The following ENTHD1 variants were observed in gnomAD, a reference collection of about 807,000 sequenced individuals.
ENTHD1 encodes the protein ENTH domain containing 1.
A neutral mutation model predicts 39.1 loss-of-function variants in ENTHD1; 23 were observed. The ratio of observed to expected loss-of-function variants is 0.59; its 90% confidence interval spans 0.42 to 0.83. The LOEUF (loss-of-function observed/expected upper bound fraction) is 0.83. ENTHD1 is among the 40% of genes least tolerant of loss of function. ENTHD1 has a pLI of 0.00. For synonymous variants in ENTHD1, 230 were observed against 258.2 expected, an observed-to-expected ratio of 0.89 and a Z score of 1.05; for missense variants, 624 against 705.4, an observed-to-expected ratio of 0.88 and a Z score of 1.31.
chr22:39,839,190 A>C (rs2065926917), intron 3 of ENTHD1, among the ~76,000 whole-genome samples: 1 of 150,618 alleles, frequency 6.6e-6, no homozygotes, highest in Admixed American at 6.6e-5. Flanking sequence ...TATGCAAAAC[A>C]AAAAAAAATA....
At position 39,746,490 on chromosome 22, in the gene ENTHD1, G is replaced by T. The variant is rs539209654; in HGVS notation, c.1220-2207C>A. 3.9e-5 allele frequency among the ~76,000 whole-genome samples: 6 copies of T among 152,132 alleles called. No homozygotes were observed. The East Asian group carries it at 1.2e-3, about 29-fold the overall frequency. ...TTTGTTTCAATGTTTTATATTAGAA[G>T]TTTTCTTTTTTCAGATGTTGGTACC... On this transcript the variant is annotated intron_variant, in intron 6 of 6. Coordinates refer to ENST00000325157, the MANE Select transcript of ENTHD1 (RefSeq NM_152512.4).
chr22:39,746,827 T>C (rs1285872205), intron 6 of ENTHD1, among the ~76,000 whole-genome samples: 2 of 152,134 alleles, frequency 1.3e-5, no homozygotes, highest in Non-Finnish European at 2.9e-5. Context: ...GTGCCCACAC[T>C]TGTAACTCTA....
At chr22:39,781,993 A>C (rs1426910459) in intron 5 of ENTHD1, among the ~76,000 whole-genome samples, 1 of 152,202 alleles carries the variant, frequency 6.6e-6, no homozygotes, top group African/African-American at 2.4e-5. Flanking sequence ...GCCAATAATA[A>C]GTAACAAGAT....
chr22:39,837,524 C>T (rs980514731), intron 3 of ENTHD1, among the ~76,000 whole-genome samples: 3 of 152,116 alleles, frequency 2.0e-5, no homozygotes, highest in African/African-American at 7.2e-5. Flanking sequence ...TAGAGGAAGC[C>T]TCCTTTAATC....
intron 5 of ENTHD1, among the ~76,000 whole-genome samples, chr22:39,812,639 C>T (rs1228448986): frequency 6.6e-6 from 1 of 152,204 alleles, no homozygotes; most frequent in Non-Finnish European, 1.5e-5. Flanking sequence ...GGCTCAACAA[C>T]ATGACTGCTC....
rs763080060 is a variant in ENTHD1, at chr22:39,835,938, A to G, written c.613T>C (p.Leu205=). ...ACATCTTGGCAATGCTCTTGTTTCA[A>G]TCCTGCCTTGCACACATTTCCTGTC... ...HNKRNVCKAG[L]KQEHCQDVHL... is the part of the protein sequence containing the mutation. The change falls in exon 4 of 7, where the codon TTG becomes CTG. Residue 205 remains leucine, a synonymous_variant. Transcript: ENST00000325157. 3.4e-5 allele frequency: 55 copies of G among 1,607,706 alleles called. No homozygotes were observed. Among genetic ancestry groups the G allele is most frequent in the Non-Finnish European group, 4.2e-5 (50 of 1,176,698 alleles).
chr22:39,834,561 T>C (rs1417589492), intron 4 of ENTHD1, among the ~76,000 whole-genome samples: 3 of 152,222 alleles, frequency 2.0e-5, no homozygotes, highest in Non-Finnish European at 2.9e-5. Flanking sequence ...ATAGCCACTC[T>C]GGAAAATAGT....
At chr22:39,843,038 G>A (rs1371510972) in intron 3 of ENTHD1, among the ~76,000 whole-genome samples, 1 of 151,912 alleles carries the variant, frequency 6.6e-6, no homozygotes, top group African/African-American at 2.4e-5. Flanking sequence ...CAACCATGGT[G>A]GAAGTCAGTG....
At chr22:39,843,884 C>T (rs1030559682) in intron 3 of ENTHD1, among the ~76,000 whole-genome samples, 2 of 152,118 alleles carry the variant, frequency 1.3e-5, no homozygotes, top group Non-Finnish European at 2.9e-5. Flanking sequence ...AACACCCTCC[C>T]ACAACTCAAG....
chr22:39,889,036 T>C (rs1050925797), intron 1 of ENTHD1, among the ~76,000 whole-genome samples: 1 of 152,206 alleles, frequency 6.6e-6, no homozygotes, highest in Non-Finnish European at 1.5e-5. Flanking sequence ...GGATCAACTA[T>C]GAAGACAAAC....
intron 3 of ENTHD1, among the ~76,000 whole-genome samples, chr22:39,837,541 G>GA (rs1260704999): frequency 2.0e-5 from 3 of 152,082 alleles, no homozygotes; most frequent in Non-Finnish European, 4.4e-5. Flanking sequence ...AATCAAAGCA[G>GA]AAAAAAACTA....
At chr22:39,810,625 AT>A (rs1419438952) in intron 5 of ENTHD1, among the ~76,000 whole-genome samples, 1 of 152,200 alleles carries the variant, frequency 6.6e-6, no homozygotes, top group Non-Finnish European at 1.5e-5. Flanking sequence ...TTCTTACCAC[AT>A]TCCAGTATAA....
Position 39,765,305 on chromosome 22 carries a change from C to A in ENTHD1, c.1137G>T (p.Glu379Asp), listed in dbSNP as rs199789187. ...PSFKIFDRVKEIVINKAYQKP... is the reference protein window; with the variant it reads ...PSFKIFDRVKDIVINKAYQKP... ...TCTGGTAGGCCTTGTTGATTACAAT[C>A]TCCTTCACTCGGTCAAATATTTTGA... The change falls in exon 6 of 7, where the codon GAG (glutamate) becomes GAT (aspartate). Residue 379 changes from glutamate (E) to aspartate (D), a missense_variant. Coordinates refer to ENST00000325157, the MANE Select transcript of ENTHD1 (RefSeq NM_152512.4). The A allele has an allele frequency of 5.6e-6, 9 of 1,613,610 alleles. No homozygotes were observed. The highest frequency in any genetic ancestry group is 7.6e-6 in the Non-Finnish European group (9 of 1,179,932).
chr22:39,748,259 A>AT (rs1244138873), intron 6 of ENTHD1, among the ~76,000 whole-genome samples: 2 of 152,020 alleles, frequency 1.3e-5, no homozygotes, highest in African/African-American at 4.8e-5. Context: ...CAAAAAAAAA[A>AT]AAAAAAAGAT....
At chr22:39,744,469 C>T (rs76957131) in intron 6 of ENTHD1, among the ~76,000 whole-genome samples, 186 bp from the exon 7 acceptor site, 4,176 of 152,124 alleles carry the variant, frequency 0.027, 110 homozygotes, top group Non-Finnish European at 0.041. Flanking sequence ...AGAAAATCTA[C>T]AGATGTATTA....
chr22:39,888,888 TGA>T (rs1283832489), intron 1 of ENTHD1, among the ~76,000 whole-genome samples: 3 of 152,206 alleles, frequency 2.0e-5, no homozygotes, highest in African/African-American at 7.2e-5. Context: ...TATTATATTC[TGA>T]GAGTAATTAA....
intron 3 of ENTHD1, among the ~76,000 whole-genome samples, chr22:39,838,174 A>G (rs2065919724): frequency 6.6e-6 from 1 of 152,198 alleles, no homozygotes; most frequent in South Asian, 2.1e-4. Context: ...ATTCGGTTAA[A>G]TTAAAGTATA....
intron 6 of ENTHD1, among the ~76,000 whole-genome samples, chr22:39,755,626 C>T (rs1000171593): frequency 1.3e-5 from 2 of 151,958 alleles, no homozygotes; most frequent in Non-Finnish European, 2.9e-5. Context: ...TTTACTTGTT[C>T]CTGAGCATAA....
intron 4 of ENTHD1, among the ~76,000 whole-genome samples, chr22:39,829,258 ACTT>A (rs1340643230): frequency 6.6e-6 from 1 of 152,132 alleles, no homozygotes; most frequent in Non-Finnish European, 1.5e-5. Context: ...CAACTTCTAA[ACTT>A]CTTTTGAGAG....
Sources: allele counts gnomAD v4.1 joint callset (sites outside exome capture counted in the v4.1 genomes callset), GRCh38; gene constraint gnomAD v4.1.1; transcripts MANE v1.5; gene names NCBI Gene and HGNC (gene_info 2026-07-23, HGNC 2026-07-21).